Variants in FOXN3 observed in about 807,000 individuals in gnomAD.
The protein encoded by FOXN3 is forkhead box N3.
A neutral mutation model predicts 38.4 loss-of-function variants in FOXN3; 7 were observed. That is an observed-to-expected ratio of 0.18 (90% CI 0.10 to 0.34). The LOEUF (loss-of-function observed/expected upper bound fraction) is 0.34. FOXN3 is among the 10% of genes least tolerant of loss of function. The probability of loss-of-function intolerance (pLI) is 1.00; values close to 1 mark genes in which losing one functional copy is unlikely to be tolerated. For synonymous variants in FOXN3, 230 were observed against 242.2 expected (o/e 0.95, Z 0.47); for missense variants, 456 against 613.4 (o/e 0.74, Z 2.71).
At chr14:89,616,009 A>G (rs1896486569) in intron 1 of FOXN3, among the ~76,000 whole-genome samples, 1 of 152,224 alleles carries the variant, frequency 6.6e-6, no homozygotes, top group Admixed American at 6.5e-5. Context: ...CAATGCTTCA[A>G]ATTGCCATGA....
chr14:89,471,490 G>A (rs1893093964), intron 1 of FOXN3, among the ~76,000 whole-genome samples: 1 of 152,058 alleles, frequency 6.6e-6, no homozygotes, highest in Admixed American at 6.5e-5. Context: ...CTGTAGGAGT[G>A]GGAGGATCAC....
intron 4 of FOXN3, among the ~76,000 whole-genome samples, chr14:89,271,169 G>A (rs1468993767): frequency 6.6e-6 from 1 of 152,196 alleles, no homozygotes; most frequent in East Asian, 1.9e-4. Flanking sequence ...ACCCCTTGCA[G>A]TTTATAGGTG....
chr14:89,436,964 T>TGG (rs1336464581), intron 1 of FOXN3, among the ~76,000 whole-genome samples: 1 of 152,004 alleles, frequency 6.6e-6, no homozygotes, highest in Non-Finnish European at 1.5e-5. Context: ...CTGGCCAACA[T>TGG]GGTGAAACCC....
At chr14:89,410,173 G>A (rs1371159817) in intron 2 of FOXN3, among the ~76,000 whole-genome samples, 2 of 152,018 alleles carry the variant, frequency 1.3e-5, no homozygotes, top group Admixed American at 6.6e-5. Flanking sequence ...TTTGAGCAAG[G>A]AGCAATACGG....
At chr14:89,294,081 C>T (rs1325921165) in intron 3 of FOXN3, among the ~76,000 whole-genome samples, 4 of 152,174 alleles carry the variant, frequency 2.6e-5, no homozygotes, top group African/African-American at 4.8e-5. Context: ...TTGGGGCCCA[C>T]CCGTTCTTCC....
chr14:89,163,631 G>A lies in FOXN3; in HGVS notation c.852-662C>T, dbSNP rs78305609. Among the ~76,000 whole-genome samples the A allele has an allele frequency of 2.8e-3, 429 of 152,250 alleles. 6 individuals carry two copies. In the East Asian group the frequency reaches 0.034, roughly 12 times the overall value. On this transcript the variant is annotated intron_variant, in intron 5 of 5. Coordinates refer to ENST00000557258, the MANE Select transcript of FOXN3 (RefSeq NM_005197.4). This position sits in a 1 kb window ranked among gnomAD's most constrained non-coding sequence, Gnocchi z 4.3. ...CCTAACAGAGAGGCAAGCCAGGGTC[G>A]CATCACAGACCAGAGGGCAATAAAC...
chr14:89,227,331 A>G (rs1446281900), intron 4 of FOXN3, among the ~76,000 whole-genome samples: 1 of 152,220 alleles, frequency 6.6e-6, no homozygotes, highest in African/African-American at 2.4e-5. Flanking sequence ...ACCGTAACAC[A>G]TGTTCACAGC....
chr14:89,222,271 G>T (rs1459422573), intron 4 of FOXN3, among the ~76,000 whole-genome samples: 1 of 152,258 alleles, frequency 6.6e-6, no homozygotes, highest in East Asian at 1.9e-4. Context: ...GTCAACTAAA[G>T]CTGGGAATAT....
At chr14:89,449,880 C>T (rs114521774) in intron 1 of FOXN3, among the ~76,000 whole-genome samples, 296 of 152,178 alleles carry the variant, frequency 1.9e-3, no homozygotes, top group African/African-American at 6.7e-3. Flanking sequence ...TTAAAGAAAC[C>T]CAGTTGGTCT....
chr14:89,210,147 C>T (rs1227550346), intron 4 of FOXN3, among the ~76,000 whole-genome samples: 1 of 152,164 alleles, frequency 6.6e-6, no homozygotes, highest in Non-Finnish European at 1.5e-5. Flanking sequence ...AGTTGTAATC[C>T]CCAGTGTTGG....
chr14:89,375,867 G>GC (rs149505311), intron 2 of FOXN3, among the ~76,000 whole-genome samples: 10,590 of 151,976 alleles, frequency 0.07, 742 homozygotes, highest in African/African-American at 0.19. Context: ...TCTGCCCCCA[G>GC]CCCCCCAGAT....
At chr14:89,411,834 G>T in intron 2 of FOXN3, 100 bp downstream of exon 2, 1 of 720,570 alleles carries the variant, frequency 1.4e-6, no homozygotes, top group Non-Finnish European at 2.0e-6. Context: ...ACTTACAACT[G>T]CTACTTCAAT....
chr14:89,465,132 G>C (rs551550256), intron 1 of FOXN3, among the ~76,000 whole-genome samples: 2 of 152,202 alleles, frequency 1.3e-5, no homozygotes, highest in African/African-American at 2.4e-5. Flanking sequence ...TGCCATGATT[G>C]TAAGTTTCCT....
At chr14:89,275,647 T>C (rs1483406424) in intron 4 of FOXN3, among the ~76,000 whole-genome samples, 2 of 152,142 alleles carry the variant, frequency 1.3e-5, no homozygotes, top group East Asian at 1.9e-4. Context: ...AGCAGAGTTA[T>C]GGGAGGGGTA....
intron 1 of FOXN3, among the ~76,000 whole-genome samples, chr14:89,475,542 C>T (rs1396526880): frequency 2.6e-5 from 4 of 152,126 alleles, no homozygotes; most frequent in Admixed American, 6.5e-5. Flanking sequence ...GTAGCCCCAG[C>T]TACTTGGGAG....
chr14:89,522,926 A>T (rs968544934), intron 1 of FOXN3, among the ~76,000 whole-genome samples: 4 of 150,828 alleles, frequency 2.7e-5, no homozygotes, highest in Non-Finnish European at 5.9e-5. Context: ...CTGTCAGATA[A>T]GATTAAAAAA....
intron 1 of FOXN3, among the ~76,000 whole-genome samples, chr14:89,524,383 A>G (rs1454617831): frequency 4.6e-5 from 5 of 108,128 alleles, no homozygotes; most frequent in Non-Finnish European, 7.0e-5. Flanking sequence ...AAAAAAAAAA[A>G]AAAAAAAAAA....
At chr14:89,464,333 T>A (rs953852048) in intron 1 of FOXN3, among the ~76,000 whole-genome samples, 1 of 152,170 alleles carries the variant, frequency 6.6e-6, no homozygotes, top group African/African-American at 2.4e-5. Flanking sequence ...TACTTGGAGA[T>A]AGCCTTCCCC....
intron 1 of FOXN3, among the ~76,000 whole-genome samples, chr14:89,483,341 C>G (rs946595463): frequency 6.6e-6 from 1 of 152,176 alleles, no homozygotes; most frequent in Non-Finnish European, 1.5e-5. Context: ...TGCAAGAGAG[C>G]TACACTGGCC....
Sources: allele counts gnomAD v4.1 joint callset (sites outside exome capture counted in the v4.1 genomes callset), GRCh38; gene constraint gnomAD v4.1.1; non-coding constraint Gnocchi (gnomAD v3.1); transcripts MANE v1.5; gene names NCBI Gene and HGNC (gene_info 2026-07-23, HGNC 2026-07-21).